PRKCA: variants seen among roughly 807,000 people sequenced by gnomAD.
PRKCA encodes protein kinase C alpha type.
In PRKCA, 27 loss-of-function variants were observed where a neutral mutation model predicts 87.0. The ratio of observed to expected loss-of-function variants is 0.31; its 90% CI spans 0.23 to 0.43. The LOEUF is 0.43. PRKCA is among the 20% of genes least tolerant of loss of function. PRKCA has a pLI of 1.00. For synonymous variants in PRKCA, 329 were observed against 311.1 expected (o/e 1.06, Z -0.61); for missense variants, 518 against 852.3 (o/e 0.61, Z 4.88).
At chr17:66,756,655 G>C (rs1974554805) in intron 13 of PRKCA, among the ~76,000 whole-genome samples, 1 of 151,880 alleles carries the variant, frequency 6.6e-6, no homozygotes, top group African/African-American at 2.4e-5. Flanking sequence ...TTTGTTTTTT[G>C]GTTTTTGGGT....
intron 3 of PRKCA, among the ~76,000 whole-genome samples, chr17:66,556,356 T>A (rs1471981230): frequency 6.9e-6 from 1 of 144,148 alleles, no homozygotes; most frequent in Non-Finnish European, 1.5e-5. Context: ...AAGACAATAG[T>A]CTTCATGGGC....
chr17:66,526,668 G>C (rs1402043356), intron 3 of PRKCA, among the ~76,000 whole-genome samples: 1 of 152,144 alleles, frequency 6.6e-6, no homozygotes, highest in Non-Finnish European at 1.5e-5. Flanking sequence ...ACATGGCTAA[G>C]CTCAAAGTTA....
chr17:66,423,149 T>A (rs1038749468), intron 2 of PRKCA, among the ~76,000 whole-genome samples: 1 of 152,056 alleles, frequency 6.6e-6, no homozygotes, highest in African/African-American at 2.4e-5. Flanking sequence ...GGAGGTACTC[T>A]TAGAACTCTG....
intron 8 of PRKCA, among the ~76,000 whole-genome samples, chr17:66,725,051 A>G (rs1973709150): frequency 6.6e-6 from 1 of 152,156 alleles, no homozygotes; most frequent in South Asian, 2.1e-4. Flanking sequence ...AAACCCTTCC[A>G]AGGGCATGGT....
At chr17:66,584,110 T>C (rs1353742549) in intron 3 of PRKCA, among the ~76,000 whole-genome samples, 2 of 152,210 alleles carry the variant, frequency 1.3e-5, no homozygotes, top group Non-Finnish European at 2.9e-5. Flanking sequence ...CTGGCTTGGC[T>C]TCAAGCAAGT....
intron 2 of PRKCA, among the ~76,000 whole-genome samples, chr17:66,454,550 T>C (rs1247676346): frequency 1.3e-5 from 2 of 152,168 alleles, no homozygotes; most frequent in East Asian, 3.9e-4. Flanking sequence ...AGAGGTTTAA[T>C]GGACTCACAG....
intron 13 of PRKCA, among the ~76,000 whole-genome samples, chr17:66,748,208 TG>T (rs35041106): frequency 6.6e-6 from 1 of 152,246 alleles, no homozygotes; most frequent in Non-Finnish European, 1.5e-5. Context: ...AGAGCCATTC[TG>T]GGGTCACAGC....
At chr17:66,514,726 G>C (rs1044870312) in intron 3 of PRKCA, among the ~76,000 whole-genome samples, 4 of 151,984 alleles carry the variant, frequency 2.6e-5, no homozygotes, top group African/African-American at 9.7e-5. Context: ...AGCAGGAGGT[G>C]AGCCAAAGGT....
intron 2 of PRKCA, among the ~76,000 whole-genome samples, chr17:66,393,972 G>C (rs539142133): frequency 2.0e-5 from 3 of 152,212 alleles, no homozygotes; most frequent in East Asian, 3.9e-4. Flanking sequence ...CTACTCGGGA[G>C]ACTGAGGCAC....
intron 2 of PRKCA, among the ~76,000 whole-genome samples, chr17:66,469,714 C>G (rs1915240792): frequency 6.6e-6 from 1 of 152,196 alleles, no homozygotes; most frequent in Non-Finnish European, 1.5e-5. Context: ...AAAAAGCTGT[C>G]TGCAAATACT....
In PRKCA at chr17:66,754,333, T is replaced by C. The variant is rs547455716; in HGVS notation, c.1524+11573T>C. Among the ~76,000 whole-genome samples, 248 of 152,060 alleles carry C rather than the reference T, an allele frequency of 1.6e-3. 1 individual carries two copies. Among genetic ancestry groups the C allele is most frequent in the South Asian group, 6.5e-3 (31 of 4,806 alleles). On this transcript the variant is annotated intron_variant, in intron 13 of 16. Coordinates refer to ENST00000413366, the MANE Select transcript of PRKCA (RefSeq NM_002737.3). ...GGCAGGGGCACCATCTCAGATGTCTTTGTCCCATTCACAGCTCCTTCTTAC... is the reference window on the plus strand; with the variant it reads ...GGCAGGGGCACCATCTCAGATGTCTCTGTCCCATTCACAGCTCCTTCTTAC...
intron 4 of PRKCA, among the ~76,000 whole-genome samples, chr17:66,643,285 C>T (rs1443500458): frequency 1.3e-5 from 2 of 152,100 alleles, no homozygotes; most frequent in African/African-American, 4.8e-5. Context: ...GGAAGCATGC[C>T]GTTAGACACG....
chr17:66,756,075 C>T (rs1054231562), intron 13 of PRKCA, among the ~76,000 whole-genome samples: 5 of 152,300 alleles, frequency 3.3e-5, no homozygotes, highest in African/African-American at 1.2e-4. Flanking sequence ...GTCACGGGGG[C>T]TCCACGCGTT....
chr17:66,629,438 C>T (rs1384694941), intron 3 of PRKCA, among the ~76,000 whole-genome samples: 2 of 152,138 alleles, frequency 1.3e-5, no homozygotes, highest in African/African-American at 2.4e-5. Flanking sequence ...ATGACCTGAT[C>T]CTGTTTTTAC....
intron 3 of PRKCA, among the ~76,000 whole-genome samples, chr17:66,571,332 T>G (rs1379290004): frequency 6.6e-6 from 1 of 151,892 alleles, no homozygotes; most frequent in Non-Finnish European, 1.5e-5. Context: ...AAATAATTGT[T>G]TTTTTTTAAT....
intron 3 of PRKCA, among the ~76,000 whole-genome samples, chr17:66,516,458 C>A (rs1438985492): frequency 6.6e-6 from 1 of 151,980 alleles, no homozygotes; most frequent in African/African-American, 2.4e-5. Flanking sequence ...CATGGTGAGA[C>A]CCCGTCTCTA....
chr17:66,460,591 G>A (rs1914799300), intron 2 of PRKCA, among the ~76,000 whole-genome samples: 2 of 152,168 alleles, frequency 1.3e-5, no homozygotes, highest in Admixed American at 6.5e-5. Flanking sequence ...TGCTCATTAC[G>A]TTTTAGTGGG....
intron 2 of PRKCA, among the ~76,000 whole-genome samples, chr17:66,449,985 G>T (rs185745571): frequency 6.6e-6 from 1 of 151,986 alleles, no homozygotes; most frequent in African/African-American, 2.4e-5. Context: ...TTTTCAAGGA[G>T]GTATACCTTG....
chr17:66,764,049 T>A (rs1974743681), intron 13 of PRKCA, among the ~76,000 whole-genome samples: 1 of 152,184 alleles, frequency 6.6e-6, no homozygotes, highest in Non-Finnish European at 1.5e-5. Flanking sequence ...GAAGTATGGA[T>A]GCCAAAGCCG....
Sources: allele counts gnomAD v4.1 joint callset (sites outside exome capture counted in the v4.1 genomes callset), GRCh38; gene constraint gnomAD v4.1.1; transcripts MANE v1.5; gene names NCBI Gene and HGNC (gene_info 2026-07-23, HGNC 2026-07-21).